Variants in RTN3 observed in about 807,000 individuals in gnomAD.
RTN3 encodes the protein reticulon-3.
RTN3 carries 49 observed loss-of-function variants against 77.8 expected under a neutral mutation model. The observed-to-expected ratio is 0.63, with a 90% CI of 0.50 to 0.80. The LOEUF is 0.80. Ranked by LOEUF, RTN3 falls within the 30% of genes least tolerant of loss-of-function variation. The probability of loss-of-function intolerance (pLI) is 0.00; values close to 1 mark genes in which losing one functional copy is unlikely to be tolerated. For synonymous variants in RTN3, 464 were observed against 446.9 expected (o/e 1.04, Z -0.48); for missense variants, 1,236 against 1,211.9 (o/e 1.02, Z -0.29).
At chr11:63,705,874 G>T (rs917251121) in intron 2 of RTN3, among the ~76,000 whole-genome samples, 1 of 152,140 alleles carries the variant, frequency 6.6e-6, no homozygotes, top group Non-Finnish European at 1.5e-5. Context: ...GAAAGAGAGG[G>T]TACTATGTGC....
At position 63,681,838 on chromosome 11, in the gene RTN3, G is replaced by C. The variant is rs568107780; in HGVS notation, c.142+60G>C. On this transcript the variant is annotated intron_variant, in intron 1 of 8. Transcript: ENST00000377819. Reference sequence around the variant, plus strand: ...AGGGCGAGCGGGAGCCTGGGGGCTGGGGGGATTAGGAGGCGAGGCGGGAGG... The same window carrying C: ...AGGGCGAGCGGGAGCCTGGGGGCTGCGGGGATTAGGAGGCGAGGCGGGAGG... 3.4e-5 allele frequency: 50 copies of C among 1,456,144 alleles called. No individual in the cohort carries two copies. The East Asian group carries it at 1.0e-3, about 29-fold the overall frequency. The allele number at this position is 1,456,144 out of a possible 1,614,324, so 90.2% of individuals were successfully genotyped here.
intron 2 of RTN3, among the ~76,000 whole-genome samples, chr11:63,709,293 A>T (rs1352697863): frequency 6.6e-6 from 1 of 152,194 alleles, no homozygotes; most frequent in Admixed American, 6.5e-5. Context: ...TCTGGGGTAT[A>T]TGCTCCCTCC....
chr11:63,728,891 AAAAAAAAAAAAG>A (rs1168348234), intron 3 of RTN3, among the ~76,000 whole-genome samples: 1 of 148,226 alleles, frequency 6.7e-6, no homozygotes, highest in African/African-American at 2.5e-5. Context: ...CGTCTCAAAA[AAAAAAAAAAAAG>A]AAAAAAGAAA....
chr11:63,724,919 C>T (rs1471727987), intron 3 of RTN3, among the ~76,000 whole-genome samples: 2 of 150,124 alleles, frequency 1.3e-5, no homozygotes, highest in African/African-American at 2.5e-5. Context: ...TATGGTATAA[C>T]TGTGCAATCG....
At chr11:63,710,506 C>T (rs1433314920) in intron 2 of RTN3, among the ~76,000 whole-genome samples, 1 of 152,104 alleles carries the variant, frequency 6.6e-6, no homozygotes, top group Non-Finnish European at 1.5e-5. Flanking sequence ...TGCAGAATTA[C>T]TGTACTTTAG....
At chr11:63,702,666 CT>C (rs1007445420) in intron 1 of RTN3, among the ~76,000 whole-genome samples, 3 of 147,256 alleles carry the variant, frequency 2.0e-5, no homozygotes, top group African/African-American at 5.0e-5. Flanking sequence ...GCACACTGCA[CT>C]TTGTTTTTGT....
chr11:63,703,103 T>TC (rs1942326155), intron 1 of RTN3, among the ~76,000 whole-genome samples: 1 of 152,124 alleles, frequency 6.6e-6, no homozygotes, highest in African/African-American at 2.4e-5. Flanking sequence ...AAATATTTTT[T>TC]TAAAAAACAA....
At chr11:63,691,560 TC>T (rs1392303499) in intron 1 of RTN3, among the ~76,000 whole-genome samples, 3 of 152,124 alleles carry the variant, frequency 2.0e-5, no homozygotes, top group African/African-American at 7.2e-5. Flanking sequence ...CCTGTCCCAA[TC>T]TTTCCTTTTA....
intron 1 of RTN3, among the ~76,000 whole-genome samples, chr11:63,704,432 A>G (rs922546265): frequency 1.3e-5 from 2 of 152,306 alleles, no homozygotes; most frequent in Admixed American, 6.5e-5. Flanking sequence ...TCAAATGCTT[A>G]TATTAGTGAC....
intron 3 of RTN3, among the ~76,000 whole-genome samples, chr11:63,744,842 A>G (rs1424802786): frequency 1.3e-5 from 2 of 152,172 alleles, no homozygotes; most frequent in African/African-American, 4.8e-5. Context: ...AAATAGAAAA[A>G]TCAACCGGGA....
intron 1 of RTN3, among the ~76,000 whole-genome samples, chr11:63,700,191 G>A (rs1054597858): frequency 1.2e-4 from 18 of 151,894 alleles, no homozygotes; most frequent in African/African-American, 3.6e-4. Context: ...GGATTTAAAC[G>A]CATCATTGGC....
Position 63,732,643 on chromosome 11 carries a change from A to G in RTN3, c.2530+11611A>G, listed in dbSNP as rs535893893. ...CTTAGAGAAATGGACAAAATCCTTG[A>G]AAAATGCTACTTAATGCTAACACAA... On this transcript the variant is annotated intron_variant, in intron 3 of 8. Coordinates refer to ENST00000377819, the MANE Select transcript of RTN3 (RefSeq NM_001265589.2). 7.9e-5 allele frequency among the ~76,000 whole-genome samples: 12 copies of G among 152,362 alleles called. No individual in the cohort carries two copies. The East Asian group carries it at 2.3e-3, about 29-fold the overall frequency.
chr11:63,705,434 C>G (rs555402004), intron 2 of RTN3, among the ~76,000 whole-genome samples: 2 of 152,134 alleles, frequency 1.3e-5, no homozygotes, highest in Admixed American at 6.5e-5. Flanking sequence ...GAGCGATGAT[C>G]GTGCCACTGC....
chr11:63,681,644 A>G lies in RTN3; in HGVS notation c.8A>G (p.Glu3Gly). Residue 3 changes from glutamate (E) to glycine (G), a missense_variant, in exon 1 of 9, where the codon GAG becomes GGG. Glu to Gly is a moderately conservative substitution (Grantham distance 98). This residue lies in a region of RTN3 where 1,056 missense variants were observed against 990.4 expected (regional missense o/e 1.07). Transcript: ENST00000377819. Reference sequence around the variant, plus strand: ...ACCCTCGCTCGCGTAGCCATGGCGGAGCCGTCGGCGGCCACTCAGTCCCAT... The same window carrying G: ...ACCCTCGCTCGCGTAGCCATGGCGGGGCCGTCGGCGGCCACTCAGTCCCAT... MA[E>G]PSAATQSHSI... The G allele has an allele frequency of 6.3e-7, 1 of 1,591,226 alleles. No individual in the cohort carries two copies. Among genetic ancestry groups the G allele is most frequent in the Non-Finnish European group, 8.6e-7 (1 of 1,167,234 alleles).
Position 63,742,576 on chromosome 11 carries a change from C to T in RTN3, c.2531-7415C>T, listed in dbSNP as rs554496166. Among the ~76,000 whole-genome samples the T allele has an allele frequency of 2.8e-3, 432 of 151,840 alleles. 2 individuals carry two copies. The highest frequency in any genetic ancestry group is 9.8e-3 in the African/African-American group (408 of 41,470). On this transcript the variant is annotated intron_variant, in intron 3 of 8. Coordinates refer to ENST00000377819, the MANE Select transcript of RTN3 (RefSeq NM_001265589.2). ...CAGGAGAGTCGCTTGAACCTGGATGCGGAGGTTGCATTGAGCCGAGATCAT... is the reference window on the plus strand; with the variant it reads ...CAGGAGAGTCGCTTGAACCTGGATGTGGAGGTTGCATTGAGCCGAGATCAT...
intron 3 of RTN3, among the ~76,000 whole-genome samples, chr11:63,726,724 A>G (rs564934572): frequency 6.6e-6 from 1 of 151,966 alleles, no homozygotes; most frequent in Admixed American, 6.6e-5. Flanking sequence ...AGCCGGGCAC[A>G]TTGGCAGGCG....
intron 4 of RTN3, 72 bp downstream of exon 4, chr11:63,750,270 C>T (rs1325899713): frequency 1.6e-6 from 2 of 1,258,086 alleles, no homozygotes; most frequent in Non-Finnish European, 2.3e-6. Context: ...AGGTCTAAAA[C>T]TCAGACCTGA....
At chr11:63,694,584 C>T (rs1393865847) in intron 1 of RTN3, among the ~76,000 whole-genome samples, 1 of 152,060 alleles carries the variant, frequency 6.6e-6, no homozygotes, top group Admixed American at 6.6e-5. Context: ...GCCGTCCTCC[C>T]ACCTCAGCCT....
chr11:63,752,395 C>T, intron 4 of RTN3, 112 bp from the exon 5 acceptor site: 7 of 988,690 alleles, frequency 7.1e-6, no homozygotes, highest in Non-Finnish European at 9.1e-6. Flanking sequence ...AAAAATGCTC[C>T]TACAGGTTCT....
Sources: allele counts gnomAD v4.1 joint callset (sites outside exome capture counted in the v4.1 genomes callset), GRCh38; gene constraint gnomAD v4.1.1; regional missense constraint gnomAD v4.1.1; transcripts MANE v1.5; gene names NCBI Gene and HGNC (gene_info 2026-07-23, HGNC 2026-07-21).